KCNK2: variants seen among roughly 807,000 people sequenced by gnomAD.
KCNK2 encodes potassium channel subfamily K member 2.
In KCNK2, 21 loss-of-function variants were observed where a neutral mutation model predicts 40.5. The ratio of observed to expected loss-of-function variants is 0.52; its 90% CI spans 0.37 to 0.75. The LOEUF is 0.75. Among genes scored for constraint, KCNK2 ranks in the 30% least tolerant of loss-of-function variants. The probability of loss-of-function intolerance (pLI) is 0.00; values close to 1 mark genes in which losing one functional copy is unlikely to be tolerated. For synonymous variants in KCNK2, 191 were observed against 202.2 expected, an observed-to-expected ratio of 0.94 and a Z score of 0.47; for missense variants, 399 against 531.6, an observed-to-expected ratio of 0.75 and a Z score of 2.45.
intron 2 of KCNK2, among the ~76,000 whole-genome samples, chr1:215,121,230 T>A (rs1487665761): frequency 6.6e-6 from 1 of 152,152 alleles, no homozygotes; most frequent in Non-Finnish European, 1.5e-5. Flanking sequence ...TACAGAATAG[T>A]TGTTTTCAAA....
Position 215,236,310 on chromosome 1 carries a change from G to A in KCNK2, c.*1165G>A, listed in dbSNP as rs1397270537. On this transcript the variant is annotated 3_prime_UTR_variant, in exon 7 of 7. Coordinates refer to ENST00000444842, the MANE Select transcript of KCNK2 (RefSeq NM_001017425.3). ...TTTCGTTGGGTGACTTTTGCCAGATGAGAGGAGGTGGCACAGTGGTGAGTG... is the reference window on the plus strand; with the variant it reads ...TTTCGTTGGGTGACTTTTGCCAGATAAGAGGAGGTGGCACAGTGGTGAGTG... The A allele has an allele frequency of 6.6e-6, 1 of 152,526 alleles. No homozygotes were observed. Among genetic ancestry groups the A allele is most frequent in the African/African-American group, 2.4e-5 (1 of 41,438 alleles). 9.4% of individuals were successfully genotyped at this position (152,526 alleles called of 1,614,324 possible).
chr1:215,233,818 GGTTA>G (rs1666770085), intron 6 of KCNK2, among the ~76,000 whole-genome samples: 1 of 152,044 alleles, frequency 6.6e-6, no homozygotes, highest in East Asian at 1.9e-4. Flanking sequence ...ATTAAATTCT[GGTTA>G]GTTAAGAGGA....
chr1:215,083,209 CTCCCGCGTCCAGCCCCG>C lies in KCNK2; in HGVS notation c.-176_-160del. The stretch of plus-strand genomic sequence containing the variant: ...CTTCTCACGCTCCCCCCCCCGCCCC[CTCCCGCGTCCAGCCCCG>C]CTCTCCCCACCTTGTAAAACAAAGC... On this transcript the variant is annotated 5_prime_UTR_variant, in exon 1 of 7. Transcript: ENST00000444842. 1 of 1,165,594 alleles carries C rather than the reference CTCCCGCGTCCAGCCCCG, an allele frequency of 8.6e-7. No individual in the cohort carries two copies. Among genetic ancestry groups the C allele is most frequent in the Non-Finnish European group, 1.2e-6 (1 of 831,720 alleles). The allele number at this position is 1,165,594 out of a possible 1,614,324, so 72.2% of individuals were successfully genotyped here. A position where few individuals can be genotyped will look rare whatever the true frequency, so the allele number is the denominator to read the frequency against.
At chr1:215,122,918 G>A (rs1444056783) in intron 2 of KCNK2, among the ~76,000 whole-genome samples, 1 of 151,442 alleles carries the variant, frequency 6.6e-6, no homozygotes, top group Non-Finnish European at 1.5e-5. Flanking sequence ...CTAGTTTTTT[G>A]TATTTTTAGT....
rs763152132 is a variant in KCNK2 at position 215,194,950 on chromosome 1, C to T, written c.824-3C>T. On this transcript the variant is annotated splice_polypyrimidine_tract_variant and splice_region_variant and intron_variant, in intron 5 of 6. Transcript: ENST00000444842. ...ATTTTGTTTTACTTTGTTTTGTCTCCAGGTGGATCCGATATTGAATATCTG... is the reference window on the plus strand; with the variant it reads ...ATTTTGTTTTACTTTGTTTTGTCTCTAGGTGGATCCGATATTGAATATCTG... 24 of 1,612,374 alleles carry T rather than the reference C, an allele frequency of 1.5e-5. 2 individuals are homozygous for T. Among genetic ancestry groups the T allele is most frequent in the Admixed American group, 1.3e-4 (8 of 59,890 alleles).
chr1:215,062,896 T>G (rs1658406734), intron 1 of KCNK2, among the ~76,000 whole-genome samples: 1 of 152,122 alleles, frequency 6.6e-6, no homozygotes, highest in Admixed American at 6.5e-5. Context: ...ATAGAGACCC[T>G]GATTTTATAG....
At chr1:215,104,921 A>G (rs905326074) in intron 2 of KCNK2, among the ~76,000 whole-genome samples, 1 of 151,968 alleles carries the variant, frequency 6.6e-6, no homozygotes, top group East Asian at 1.9e-4. Flanking sequence ...TCATTTTGTA[A>G]TATATCATGA....
At chr1:215,205,696 A>G (rs781437674) in intron 6 of KCNK2, among the ~76,000 whole-genome samples, 31 of 152,210 alleles carry the variant, frequency 2.0e-4, no homozygotes, top group Non-Finnish European at 4.0e-4. Context: ...ATATTTAGCC[A>G]GAACAAGAGA....
chr1:215,209,878 A>G, intron 6 of KCNK2, among the ~76,000 whole-genome samples: 1 of 74,962 alleles, frequency 1.3e-5, no homozygotes, highest in South Asian at 3.5e-4. Flanking sequence ...ATATGTACAT[A>G]TTAGTCAGAC....
At chr1:215,033,935 T>A (rs1195989385) in intron 1 of KCNK2, among the ~76,000 whole-genome samples, 1 of 152,208 alleles carries the variant, frequency 6.6e-6, no homozygotes, top group Non-Finnish European at 1.5e-5. Context: ...AATGACTGGA[T>A]CCCTTTGCAA....
upstream of KCNK2, among the ~76,000 whole-genome samples, chr1:215,080,548 C>A (rs143825871): frequency 6.6e-6 from 1 of 152,098 alleles, no homozygotes; most frequent in African/African-American, 2.4e-5. Context: ...GTAGGAATAA[C>A]GATTTCACTC....
At chr1:215,061,362 G>A (rs1278471532) in intron 1 of KCNK2, among the ~76,000 whole-genome samples, 2 of 151,990 alleles carry the variant, frequency 1.3e-5, no homozygotes, top group Non-Finnish European at 2.9e-5. Context: ...AAATTAGTTA[G>A]AAGTGTGAGT....
chr1:215,180,074 G>A (rs962932613), intron 5 of KCNK2, among the ~76,000 whole-genome samples: 3 of 152,048 alleles, frequency 2.0e-5, no homozygotes, highest in African/African-American at 7.2e-5. Flanking sequence ...GGATAGTTAA[G>A]TCTTCTTGTT....
intron 6 of KCNK2, among the ~76,000 whole-genome samples, chr1:215,198,300 A>T (rs933238956): frequency 6.6e-6 from 1 of 152,128 alleles, no homozygotes; most frequent in Non-Finnish European, 1.5e-5. Context: ...GCTGCTCTGG[A>T]CAGGGGAGCC....
At chr1:215,047,229 A>G (rs1702205555) in intron 1 of KCNK2, among the ~76,000 whole-genome samples, 1 of 152,108 alleles carries the variant, frequency 6.6e-6, no homozygotes, top group Non-Finnish European at 1.5e-5. Flanking sequence ...TGGGTTTTGG[A>G]CAATACTAAT....
chr1:215,217,423 A>T (rs1666005257), intron 6 of KCNK2, among the ~76,000 whole-genome samples: 1 of 152,214 alleles, frequency 6.6e-6, no homozygotes, highest in Non-Finnish European at 1.5e-5. Context: ...GCATGTGTTT[A>T]GATATACATG....
chr1:215,109,333 C>T (rs1660577685), intron 2 of KCNK2, among the ~76,000 whole-genome samples: 1 of 152,050 alleles, frequency 6.6e-6, no homozygotes, highest in South Asian at 2.1e-4. Context: ...ATTAACCAAC[C>T]TCTCTTAATT....
chr1:215,117,496 T>C (rs1660997170), intron 2 of KCNK2, among the ~76,000 whole-genome samples: 1 of 152,142 alleles, frequency 6.6e-6, no homozygotes, highest in African/African-American at 2.4e-5. Context: ...AATTCTGCAG[T>C]AATAAATATC....
At chr1:215,078,348 C>T (rs1466898141), upstream of KCNK2, among the ~76,000 whole-genome samples, 2 of 152,158 alleles carry the variant, frequency 1.3e-5, no homozygotes, top group Non-Finnish European at 2.9e-5. Context: ...CTGAATTGGT[C>T]TGTTCTCACA....
Sources: allele counts gnomAD v4.1 joint callset (sites outside exome capture counted in the v4.1 genomes callset), GRCh38; gene constraint gnomAD v4.1.1; transcripts MANE v1.5; gene names NCBI Gene and HGNC (gene_info 2026-07-23, HGNC 2026-07-21).